CLCN4: variants seen among roughly 807,000 people sequenced by gnomAD.
The protein encoded by CLCN4 is Cl-/H+ antiporter 4, also known as H(+)/Cl(-) exchange transporter 4.
In CLCN4, 1 loss-of-function variant was observed where a neutral mutation model predicts 41.7. That is an observed-to-expected ratio of 0.02 (90% CI 0.01 to 0.11). The LOEUF (loss-of-function observed/expected upper bound fraction) is 0.11. Among genes scored for constraint, CLCN4 ranks in the 10% least tolerant of loss-of-function variants. CLCN4 has a pLI of 1.00. For synonymous variants in CLCN4, 277 were observed against 285.8 expected, an observed-to-expected ratio of 0.97 and a Z score of 0.31; for missense variants, 287 against 661.0, an observed-to-expected ratio of 0.43 and a Z score of 6.20.
chrX:10,221,366 G>A (rs1265292352), intron 12 of CLCN4, among the ~76,000 whole-genome samples: 1 of 111,987 alleles, frequency 8.9e-6, no homozygotes, highest in African/African-American at 3.2e-5. Flanking sequence ...TAATAAGAAT[G>A]GTAGTACCGA....
intron 2 of CLCN4, among the ~76,000 whole-genome samples, chrX:10,166,909 C>T (rs1343509500): frequency 2.7e-5 from 3 of 111,462 alleles, no homozygotes; most frequent in East Asian, 5.7e-4. Context: ...ATTTCCAACA[C>T]GTGGGCTGGG....
rs147431408 is a variant in CLCN4, at chrX:10,221,781, G to A, written c.2192+904G>A. On this transcript the variant is annotated intron_variant, in intron 12 of 12. Coordinates refer to ENST00000380833, the MANE Select transcript of CLCN4 (RefSeq NM_001830.4). ...CTGTGGGGTGGGTTTCACAAGCTGT[G>A]CCACTTCCGAATTACCGGGAAGGGG... Among the ~76,000 whole-genome samples the A allele has an allele frequency of 3.0e-3, 340 of 112,513 alleles. 2 individuals carry two copies. The highest frequency in any genetic ancestry group is 0.01 in the African/African-American group (323 of 30,998).
chrX:10,228,158 A>G (rs1383149747), intron 12 of CLCN4, among the ~76,000 whole-genome samples: 1 of 110,806 alleles, frequency 9.0e-6, no homozygotes, highest in Non-Finnish European at 1.9e-5. Flanking sequence ...CTGTTGCACT[A>G]TCAAATACTA....
At chrX:10,178,690 C>G (rs1371606390) in intron 2 of CLCN4, among the ~76,000 whole-genome samples, 2 of 111,601 alleles carry the variant, frequency 1.8e-5, no homozygotes, top group African/African-American at 6.5e-5. Flanking sequence ...TTCCTTTGGT[C>G]TGATTGGAGA....
rs1923010457 is a variant in CLCN4, at chrX:10,158,475, G to GC, written c.-87dup. 4 of 296,893 alleles carry GC rather than the reference G, an allele frequency of 1.3e-5. No homozygotes were observed. The highest frequency in any genetic ancestry group is 2.4e-5 in the Non-Finnish European group (4 of 169,910). 24.5% of individuals were successfully genotyped at this position (296,893 alleles called of 1,213,427 possible). ...GCCTCCTGGTGATGTCACGGCGCTC[G>GC]CAGCCGTCGCGCTGAAGAAAGGATG... On this transcript the variant is annotated 5_prime_UTR_variant, in exon 2 of 13. It removes the in-frame stop codon of an upstream open reading frame in the 5' UTR. Transcript: ENST00000380833.
chrX:10,232,553 T>G (rs766353403), intron 12 of CLCN4, among the ~76,000 whole-genome samples: 2 of 112,121 alleles, frequency 1.8e-5, no homozygotes, highest in East Asian at 5.6e-4. Flanking sequence ...TTTGCAAACT[T>G]ATGTGGGAAT....
intron 2 of CLCN4, among the ~76,000 whole-genome samples, chrX:10,180,090 C>T (rs925716717): frequency 4.5e-5 from 5 of 112,254 alleles, no homozygotes; most frequent in African/African-American, 1.6e-4. Flanking sequence ...AATACAACTA[C>T]GAAGAAAACA....
At chrX:10,221,248 C>T (rs772225615) in intron 12 of CLCN4, among the ~76,000 whole-genome samples, 11 of 111,506 alleles carry the variant, frequency 9.9e-5, no homozygotes, top group East Asian at 8.4e-4. Flanking sequence ...CACAGCACTA[C>T]GCAAAAAGTG....
At chrX:10,219,462 C>T (rs1037084906) in intron 11 of CLCN4, among the ~76,000 whole-genome samples, 5 of 112,134 alleles carry the variant, frequency 4.5e-5, no homozygotes, top group Non-Finnish European at 9.4e-5. Context: ...GCCTCAGAGT[C>T]GTCTGGTATT....
At chrX:10,201,111 A>G (rs1412287218) in intron 6 of CLCN4, among the ~76,000 whole-genome samples, 1 of 112,303 alleles carries the variant, frequency 8.9e-6, no homozygotes, top group Non-Finnish European at 1.9e-5. Flanking sequence ...TAGAACGTCT[A>G]TAAACAGCTA....
intron 9 of CLCN4, among the ~76,000 whole-genome samples, chrX:10,209,135 A>G (rs1382558536): frequency 9.0e-6 from 1 of 111,477 alleles, no homozygotes; most frequent in Non-Finnish European, 1.9e-5. Flanking sequence ...TGTGATGAGC[A>G]CCACGCTGGT....
Position 10,205,329 on chromosome X carries a change from C to T in CLCN4, c.556-1029C>T, listed in dbSNP as rs1009316968. On this transcript the variant is annotated intron_variant, in intron 6 of 12. Transcript: ENST00000380833. ...TCTACTAAAAGTACAAAAAATTAGCCGGGCATGATGGCGGGTGACTGTAGT... is the reference window on the plus strand; with the variant it reads ...TCTACTAAAAGTACAAAAAATTAGCTGGGCATGATGGCGGGTGACTGTAGT... Among the ~76,000 whole-genome samples the T allele has an allele frequency of 2.0e-3, 221 of 109,252 alleles. 1 individual carries two copies. The highest frequency in any genetic ancestry group is 6.7e-3 in the African/African-American group (202 of 30,033). 94.9% of individuals were successfully genotyped at this position (109,252 alleles called of 115,157 possible).
chrX:10,186,382 CA>C (rs778747143), intron 3 of CLCN4, among the ~76,000 whole-genome samples: 1 of 111,248 alleles, frequency 9.0e-6, no homozygotes, highest in African/African-American at 3.3e-5. Context: ...TTACCAGGTC[CA>C]GGGGAGGCAG....
intron 3 of CLCN4, 43 bp downstream of exon 3, chrX:10,185,219 A>G (rs1341906844): frequency 8.6e-7 from 1 of 1,159,772 alleles, no homozygotes; most frequent in African/African-American, 1.8e-5. Flanking sequence ...TGGCTAAGCC[A>G]TGTTTTCATT....
intron 2 of CLCN4, among the ~76,000 whole-genome samples, chrX:10,181,848 T>C (rs1248708903): frequency 8.9e-6 from 1 of 112,093 alleles, no homozygotes; most frequent in Non-Finnish European, 1.9e-5. Context: ...ATGACATCAT[T>C]AATACTATTG....
At chrX:10,164,236 G>T (rs1923186620) in intron 2 of CLCN4, among the ~76,000 whole-genome samples, 1 of 112,167 alleles carries the variant, frequency 8.9e-6, no homozygotes, top group African/African-American at 3.2e-5. Flanking sequence ...AGTGCTCAGG[G>T]CTGAGGGAAC....
chrX:10,185,001 A>T, intron 2 of CLCN4, 21 bp from the exon 3 acceptor site: 1 of 1,174,985 alleles, frequency 8.5e-7, no homozygotes, highest in Non-Finnish European at 1.1e-6. Flanking sequence ...CATGTCTTTA[A>T]CGACCGGTTT....
At chrX:10,168,440 C>T (rs924579960) in intron 2 of CLCN4, among the ~76,000 whole-genome samples, 1 of 112,072 alleles carries the variant, frequency 8.9e-6, no homozygotes, top group African/African-American at 3.2e-5. Context: ...GACTTCTGAC[C>T]TCAATTATTT....
Position 10,233,394 on chromosome X carries a change from C to G in CLCN4, c.2193-100C>G, listed in dbSNP as rs1925171662. Reference sequence around the variant, plus strand: ...CACAAGGGAGGCTGGGAAATGTTGTCTGTCTCTGTGTCCACATGGAAAAGG... The same window carrying G: ...CACAAGGGAGGCTGGGAAATGTTGTGTGTCTCTGTGTCCACATGGAAAAGG... On this transcript the variant is annotated intron_variant, in intron 12 of 12. Transcript: ENST00000380833. 5.1e-6 allele frequency: 3 copies of G among 584,458 alleles called. No individual in the cohort carries two copies. The African/African-American group carries it at 6.7e-5, about 13-fold the overall frequency. 48.2% of individuals were successfully genotyped at this position (584,458 alleles called of 1,213,427 possible).
Sources: allele counts gnomAD v4.1 joint callset (sites outside exome capture counted in the v4.1 genomes callset), GRCh38; gene constraint gnomAD v4.1.1; transcripts MANE v1.5; gene names NCBI Gene and HGNC (gene_info 2026-07-23, HGNC 2026-07-21).